The following SLC23A2 variants were observed in gnomAD, a reference collection of about 807,000 sequenced individuals.
SLC23A2 encodes solute carrier family 23 member 2.
SLC23A2 carries 36 observed loss-of-function variants against 73.3 expected under a neutral mutation model. The observed-to-expected ratio is 0.49, with a 90% CI of 0.38 to 0.65. The LOEUF is 0.65. SLC23A2 is among the 30% of genes least tolerant of loss of function. SLC23A2 has a pLI of 0.00. For missense variants in SLC23A2, 507 were observed against 841.6 expected, an observed-to-expected ratio of 0.60 and a Z score of 4.92; for synonymous variants, 343 against 327.3, an observed-to-expected ratio of 1.05 and a Z score of -0.52.
chr20:4,946,899 G>A (rs2087126831), intron 2 of SLC23A2, among the ~76,000 whole-genome samples: 1 of 152,146 alleles, frequency 6.6e-6, no homozygotes. Flanking sequence ...CTAACCTAAT[G>A]CTATAGCAAA....
chr20:4,871,729 G>A (rs1930455072), intron 11 of SLC23A2, among the ~76,000 whole-genome samples: 1 of 152,116 alleles, frequency 6.6e-6, no homozygotes, highest in South Asian at 2.1e-4. Context: ...GATGGATGGG[G>A]CTCGACACAC....
In SLC23A2 at chr20:4,868,511, G is replaced by A. The variant is rs1930296845; in HGVS notation, c.1251-636C>T. On this transcript the variant is annotated intron_variant, in intron 12 of 16. Coordinates refer to ENST00000338244, the MANE Select transcript of SLC23A2 (RefSeq NM_005116.6). This position sits in a 1 kb window ranked among gnomAD's most constrained non-coding sequence, Gnocchi z 4.4. ...TTTTAGCCAGAAAATAAAGCCATTT[G>A]TTGGGGTATAAGACAAACATGGGCC... Among the ~76,000 whole-genome samples, 1 of 152,212 alleles carries A rather than the reference G, an allele frequency of 6.6e-6. No homozygotes were observed. Among genetic ancestry groups the A allele is most frequent in the African/African-American group, 2.4e-5 (1 of 41,450 alleles).
chr20:4,898,537 C>T (rs1037022090), intron 6 of SLC23A2, among the ~76,000 whole-genome samples: 2 of 152,188 alleles, frequency 1.3e-5, no homozygotes, highest in African/African-American at 2.4e-5. Context: ...GACAGCTGGC[C>T]GTGAACTTAG....
At chr20:4,973,469 A>T (rs202214584) in intron 1 of SLC23A2, among the ~76,000 whole-genome samples, 1 of 134,640 alleles carries the variant, frequency 7.4e-6, no homozygotes, top group South Asian at 2.5e-4. Flanking sequence ...GGAAGGACTT[A>T]ACTACTGCAC....
At chr20:4,911,507 A>C (rs1276460737) in intron 4 of SLC23A2, among the ~76,000 whole-genome samples, 2 of 152,236 alleles carry the variant, frequency 1.3e-5, no homozygotes, top group Non-Finnish European at 2.9e-5. Flanking sequence ...CTCAGGTACT[A>C]TATTTGTATG....
At chr20:4,985,131 G>A (rs140501360) in intron 1 of SLC23A2, among the ~76,000 whole-genome samples, 3,657 of 103,192 alleles carry the variant, frequency 0.035, 155 homozygotes, top group African/African-American at 0.13. Context: ...GCAAGACTCC[G>A]TCTCCAAAAA....
intron 2 of SLC23A2, among the ~76,000 whole-genome samples, chr20:4,955,246 C>A (rs2087265824): frequency 1.3e-5 from 2 of 151,096 alleles, no homozygotes; most frequent in South Asian, 4.2e-4. Flanking sequence ...AGAGTTAAGA[C>A]CCTATCTCTA....
chr20:4,949,660 C>T (rs540871391), intron 2 of SLC23A2, among the ~76,000 whole-genome samples: 84 of 152,100 alleles, frequency 5.5e-4, no homozygotes, highest in Non-Finnish European at 8.7e-4. Context: ...CACACAGGCG[C>T]GCACACACAC....
At chr20:4,931,947 G>GA (rs542243210) in intron 3 of SLC23A2, among the ~76,000 whole-genome samples, 50 of 152,134 alleles carry the variant, frequency 3.3e-4, no homozygotes, top group African/African-American at 1.2e-3. Flanking sequence ...CTACATCTGG[G>GA]AAAAAAATGT....
chr20:4,921,601 CCAAAAAA>C (rs1932501994), intron 3 of SLC23A2, among the ~76,000 whole-genome samples: 1 of 133,584 alleles, frequency 7.5e-6, no homozygotes, highest in African/African-American at 3.0e-5. Context: ...ACAATCACAA[CCAAAAAA>C]AAAAAAAAAA....
intron 1 of SLC23A2, among the ~76,000 whole-genome samples, chr20:4,977,550 T>G (rs1224896031): frequency 6.6e-6 from 1 of 150,976 alleles, no homozygotes; most frequent in Non-Finnish European, 1.5e-5. Flanking sequence ...CTACAAAAAT[T>G]AGCTGGGCAT....
At chr20:4,956,147 C>A (rs1020053997) in intron 2 of SLC23A2, among the ~76,000 whole-genome samples, 8 of 152,118 alleles carry the variant, frequency 5.3e-5, no homozygotes, top group African/African-American at 1.9e-4. Context: ...TTAACATAAT[C>A]TCTGATTTGT....
rs140996063 is a variant in SLC23A2, at chr20:4,952,999, G to A, written c.-155+17794C>T. ...AATTGTGCCACTGCACTCCAACCTG[G>A]GTGATAGAACGAGACTCAAAAAAAA... On this transcript the variant is annotated intron_variant, in intron 2 of 16. Coordinates refer to ENST00000338244, the MANE Select transcript of SLC23A2 (RefSeq NM_005116.6). Among the ~76,000 whole-genome samples, 43 of 149,150 alleles carry A rather than the reference G, an allele frequency of 2.9e-4. No individual in the cohort carries two copies. In the East Asian group the frequency reaches 7.6e-3, roughly 26 times the overall value.
At chr20:4,893,280 G>A (rs1027393950) in intron 6 of SLC23A2, among the ~76,000 whole-genome samples, 1 of 151,876 alleles carries the variant, frequency 6.6e-6, no homozygotes, top group African/African-American at 2.4e-5. Context: ...GTCCAGGCTG[G>A]TCTCAAACTC....
chr20:4,867,693 C>A, intron 13 of SLC23A2, 77 bp downstream of exon 13: 6 of 552,874 alleles, frequency 1.1e-5, no homozygotes, highest in East Asian at 8.2e-5. Flanking sequence ...CCATTTGGAA[C>A]TTGCAGTGGC....
At chr20:4,996,008 GAA>G (rs1254782490) in intron 1 of SLC23A2, among the ~76,000 whole-genome samples, 1 of 152,136 alleles carries the variant, frequency 6.6e-6, no homozygotes, top group Admixed American at 6.5e-5. Context: ...CAAGACTCAG[GAA>G]TTAACTTACA....
intron 2 of SLC23A2, among the ~76,000 whole-genome samples, chr20:4,951,469 CAA>C (rs2087201834): frequency 6.6e-6 from 1 of 152,074 alleles, no homozygotes; most frequent in Non-Finnish European, 1.5e-5. Context: ...AAGCAAAGAA[CAA>C]GGCCAAGCTG....
Position 4,957,778 on chromosome 20 carries a change from G to C in SLC23A2, c.-155+13015C>G, listed in dbSNP as rs1342610213. Among the ~76,000 whole-genome samples, 5 of 151,174 alleles carry C rather than the reference G, an allele frequency of 3.3e-5. No homozygotes were observed. The East Asian group carries it at 7.8e-4, about 24-fold the overall frequency. ...TAGCCAGACATGGTGGTGGGCGCCT[G>C]TAATCCCAGCTACTCGGGAGGCTGA... On this transcript the variant is annotated intron_variant, in intron 2 of 16. Transcript: ENST00000338244.
intron 2 of SLC23A2, among the ~76,000 whole-genome samples, chr20:4,967,660 CA>C (rs1455149744): frequency 2.6e-5 from 4 of 152,090 alleles, no homozygotes; most frequent in Non-Finnish European, 4.4e-5. Context: ...GTCTATAAAC[CA>C]AAAACACCAG....
Sources: allele counts gnomAD v4.1 joint callset (sites outside exome capture counted in the v4.1 genomes callset), GRCh38; gene constraint gnomAD v4.1.1; non-coding constraint Gnocchi (gnomAD v3.1); transcripts MANE v1.5; gene names NCBI Gene and HGNC (gene_info 2026-07-23, HGNC 2026-07-21).